The following RCAN2 variants were observed in gnomAD, a reference collection of about 807,000 sequenced individuals.
RCAN2 encodes regulator of calcineurin 2, also known as calcipressin-2.
Under a neutral mutation model 23.6 loss-of-function variants are expected in RCAN2, and 9 were observed. The observed-to-expected ratio is 0.38, with a 90% CI of 0.23 to 0.67. RCAN2 has a LOEUF of 0.67. Among genes scored for constraint, RCAN2 ranks in the 30% least tolerant of loss-of-function variants. The probability of loss-of-function intolerance (pLI) is 0.51; values close to 1 mark genes in which losing one functional copy is unlikely to be tolerated. For synonymous variants in RCAN2, 109 were observed against 115.7 expected, an observed-to-expected ratio of 0.94 and a Z score of 0.37; for missense variants, 273 against 302.3, an observed-to-expected ratio of 0.90 and a Z score of 0.72.
At chr6:46,386,747 A>T (rs1250162171) in intron 2 of RCAN2, among the ~76,000 whole-genome samples, 3 of 152,190 alleles carry the variant, frequency 2.0e-5, no homozygotes, top group African/African-American at 7.2e-5. Context: ...ATTGGAAAAA[A>T]CTATTTTAAA....
intron 1 of RCAN2, among the ~76,000 whole-genome samples, chr6:46,485,708 A>C (rs1293351436): frequency 6.6e-6 from 1 of 151,946 alleles, no homozygotes; most frequent in East Asian, 1.9e-4. Context: ...CCTTTCCTCA[A>C]CCTTGGCTTT....
intron 2 of RCAN2, among the ~76,000 whole-genome samples, chr6:46,249,811 C>A (rs559031003): frequency 1.3e-5 from 2 of 152,186 alleles, no homozygotes; most frequent in South Asian, 4.2e-4. Flanking sequence ...CTGTCAGAAA[C>A]AGGATTCTCT....
chr6:46,349,578 T>C (rs1359581794), intron 2 of RCAN2, among the ~76,000 whole-genome samples: 10 of 148,494 alleles, frequency 6.7e-5, no homozygotes, highest in Non-Finnish European at 1.3e-4. Context: ...AAAGTAAAAT[T>C]AGAAAAAAAA....
chr6:46,433,657 A>C (rs910389460), intron 2 of RCAN2, among the ~76,000 whole-genome samples: 2 of 152,206 alleles, frequency 1.3e-5, no homozygotes, highest in African/African-American at 4.8e-5. Context: ...TGGAAAGACA[A>C]GGAAATGGAT....
At chr6:46,267,062 A>G (rs1582046883) in intron 2 of RCAN2, among the ~76,000 whole-genome samples, 1 of 152,232 alleles carries the variant, frequency 6.6e-6, no homozygotes, top group African/African-American at 2.4e-5. Flanking sequence ...TTTCAAAATC[A>G]TCAAATATAA....
chr6:46,481,785 C>T (rs542369623), intron 1 of RCAN2, among the ~76,000 whole-genome samples: 2 of 150,604 alleles, frequency 1.3e-5, no homozygotes, highest in Admixed American at 6.6e-5. Context: ...GAAAAAAATG[C>T]ATATATTTGG....
intron 2 of RCAN2, among the ~76,000 whole-genome samples, chr6:46,320,872 TAC>T (rs1763593295): frequency 6.6e-6 from 1 of 152,138 alleles, no homozygotes; most frequent in African/African-American, 2.4e-5. Flanking sequence ...TTAGGTTAAG[TAC>T]AGTTTTCTGA....
chr6:46,383,964 C>A (rs576193938), intron 2 of RCAN2, among the ~76,000 whole-genome samples: 22 of 152,272 alleles, frequency 1.4e-4, no homozygotes, highest in Non-Finnish European at 2.5e-4. Flanking sequence ...GCTGCTTCCC[C>A]GCCTCTCTGG....
chr6:46,401,854 T>C (rs1244432965), intron 2 of RCAN2, among the ~76,000 whole-genome samples: 1 of 152,042 alleles, frequency 6.6e-6, no homozygotes, highest in Admixed American at 6.5e-5. Context: ...GGGGGGAGAC[T>C]AACTGGAATT....
At chr6:46,425,200 C>G (rs1174878365) in intron 2 of RCAN2, among the ~76,000 whole-genome samples, 2 of 152,156 alleles carry the variant, frequency 1.3e-5, no homozygotes, top group Non-Finnish European at 2.9e-5. Flanking sequence ...ATTGAGGACA[C>G]CAAAGTTCTT....
At chr6:46,410,777 TTAA>T (rs1554139651) in intron 2 of RCAN2, among the ~76,000 whole-genome samples, 1 of 152,194 alleles carries the variant, frequency 6.6e-6, no homozygotes, top group Non-Finnish European at 1.5e-5. Flanking sequence ...CAAAAACACA[TTAA>T]TAATATTATT....
At chr6:46,331,233 A>G (rs1299277869) in intron 2 of RCAN2, among the ~76,000 whole-genome samples, 1 of 152,012 alleles carries the variant, frequency 6.6e-6, no homozygotes, top group African/African-American at 2.4e-5. Flanking sequence ...CTGGTCTCCA[A>G]TTCCTGGCCT....
chr6:46,376,494 AT>A (rs1765463470), intron 2 of RCAN2, among the ~76,000 whole-genome samples: 1 of 152,236 alleles, frequency 6.6e-6, no homozygotes, highest in Non-Finnish European at 1.5e-5. Flanking sequence ...AGCCTGGTCA[AT>A]ATGGTAAAAC....
At chr6:46,240,725 C>T (rs1287458722) in intron 4 of RCAN2, among the ~76,000 whole-genome samples, 1 of 152,120 alleles carries the variant, frequency 6.6e-6, no homozygotes, top group Non-Finnish European at 1.5e-5. Flanking sequence ...TTTTTTTCTA[C>T]CTCTGAATCA....
At chr6:46,312,176 A>G (rs1349706887) in intron 2 of RCAN2, among the ~76,000 whole-genome samples, 2 of 152,196 alleles carry the variant, frequency 1.3e-5, no homozygotes, top group African/African-American at 4.8e-5. Context: ...GGCTGGTGCT[A>G]TGATGGCAAC....
chr6:46,346,827 G>A (rs1432055066), intron 2 of RCAN2, among the ~76,000 whole-genome samples: 6 of 151,688 alleles, frequency 4.0e-5, no homozygotes, highest in Non-Finnish European at 8.8e-5. Context: ...ACAGTAGGGA[G>A]AAAAATCTAA....
chr6:46,261,847 T>C (rs1393204090), intron 2 of RCAN2, among the ~76,000 whole-genome samples: 2 of 152,162 alleles, frequency 1.3e-5, no homozygotes, highest in East Asian at 3.9e-4. Flanking sequence ...ACATGATAAA[T>C]TAAATAATTC....
intron 2 of RCAN2, among the ~76,000 whole-genome samples, chr6:46,267,976 T>C (rs1226905360): frequency 6.6e-6 from 1 of 151,672 alleles, no homozygotes; most frequent in Admixed American, 6.6e-5. Context: ...AAATATTATA[T>C]AAAAGTAACA....
intron 2 of RCAN2, among the ~76,000 whole-genome samples, chr6:46,338,775 G>C (rs1027917268): frequency 6.6e-6 from 1 of 152,104 alleles, no homozygotes; most frequent in Non-Finnish European, 1.5e-5. Context: ...CACTTTGGGA[G>C]GCCAAGGTGG....
Sources: allele counts gnomAD v4.1 joint callset (sites outside exome capture counted in the v4.1 genomes callset), GRCh38; gene constraint gnomAD v4.1.1; transcripts MANE v1.5; gene names NCBI Gene and HGNC (gene_info 2026-07-23, HGNC 2026-07-21).